RBFOX1: variants seen among roughly 807,000 people sequenced by gnomAD.
RBFOX1 encodes RNA binding fox-1 homolog 1, also known as RNA binding protein fox-1 homolog 1.
In RBFOX1, 8 loss-of-function variants were observed where a neutral mutation model predicts 57.7. The ratio of observed to expected loss-of-function variants is 0.14; its 90% CI spans 0.08 to 0.25. RBFOX1 has a LOEUF of 0.25. Among genes scored for constraint, RBFOX1 ranks in the 10% least tolerant of loss-of-function variants. The pLI is 1.00. For synonymous variants in RBFOX1, 326 were observed against 222.4 expected (o/e 1.47, Z -4.15); for missense variants, 611 against 548.5 (o/e 1.11, Z -1.14).
intron 2 of RBFOX1, among the ~76,000 whole-genome samples, chr16:6,441,207 C>G (rs955058265): frequency 3.3e-5 from 5 of 151,990 alleles, no homozygotes; most frequent in South Asian, 2.1e-4. Context: ...ATGTCTAATG[C>G]CGCTGATCTC....
rs115659290 is a variant in RBFOX1, at chr16:5,337,794, C to A, written c.219+97689C>A. ...AAACTCTGAGAGGGCAAGGAAGGAA[C>A]TGGACTTTTGGAATATAAATTAATG... On this transcript the variant is annotated intron_variant, in intron 1 of 2. Coordinates refer to the RBFOX1 transcript ENST00000585867. Among the ~76,000 whole-genome samples the A allele has an allele frequency of 5.9e-3, 901 of 152,256 alleles. 7 individuals carry two copies. The highest frequency in any genetic ancestry group is 0.02 in the African/African-American group (825 of 41,558).
intron 3 of RBFOX1, among the ~76,000 whole-genome samples, chr16:7,021,253 A>T (rs2061813): frequency 0.81 from 122,368 of 151,116 alleles, 50,145 homozygotes; most frequent in African/African-American, 0.93. Flanking sequence ...CCCCCACCTC[A>T]TTTGGTTACT....
intron 3 of RBFOX1, among the ~76,000 whole-genome samples, chr16:6,944,695 A>T (rs1196127837): frequency 6.6e-6 from 1 of 152,186 alleles, no homozygotes; most frequent in African/African-American, 2.4e-5. Flanking sequence ...TTCATGGTTC[A>T]GTACATGGTT....
intron 2 of RBFOX1, among the ~76,000 whole-genome samples, chr16:6,641,393 G>C (rs572469795): frequency 6.6e-6 from 1 of 152,102 alleles, no homozygotes; most frequent in Non-Finnish European, 1.5e-5. Flanking sequence ...AGGGAGCATT[G>C]CTGTTTTGTT....
At chr16:6,632,023 T>C (rs76827023) in intron 2 of RBFOX1, among the ~76,000 whole-genome samples, 2 of 152,148 alleles carry the variant, frequency 1.3e-5, no homozygotes, top group African/African-American at 4.8e-5. Flanking sequence ...AATCACACTC[T>C]ATTTGGATAA....
intron 10 of RBFOX1, among the ~76,000 whole-genome samples, chr16:7,624,448 T>C (rs2059772802): frequency 6.6e-6 from 1 of 152,240 alleles, no homozygotes; most frequent in Admixed American, 6.5e-5. Flanking sequence ...CCTTTTCATG[T>C]ATACATTTGT....
At chr16:7,376,521 G>A (rs1419114298) in intron 4 of RBFOX1, among the ~76,000 whole-genome samples, 2 of 152,136 alleles carry the variant, frequency 1.3e-5, no homozygotes, top group Non-Finnish European at 2.9e-5. Context: ...CTCTGTGTCT[G>A]TGATAAGTCC....
At position 7,289,704 on chromosome 16, in the gene RBFOX1, T is replaced by C. The variant is rs190574642; in HGVS notation, c.28-228443T>C. Among the ~76,000 whole-genome samples the C allele has an allele frequency of 1.2e-4, 19 of 152,294 alleles. No individual in the cohort carries two copies. In the East Asian group the frequency reaches 3.7e-3, roughly 29 times the overall value. On this transcript the variant is annotated intron_variant, in intron 4 of 15. Coordinates refer to ENST00000550418, the MANE Select transcript of RBFOX1 (RefSeq NM_018723.4). ...CAATTATCCTTGAAGCTGATATGTG[T>C]TGTGCACTTCCTAGGTGCTAAGGGG...
At chr16:7,382,694 A>C (rs1405652960) in intron 4 of RBFOX1, among the ~76,000 whole-genome samples, 1 of 152,236 alleles carries the variant, frequency 6.6e-6, no homozygotes, top group Non-Finnish European at 1.5e-5. Flanking sequence ...AACAGAGGAT[A>C]GTCACCTAAT....
intron 3 of RBFOX1, among the ~76,000 whole-genome samples, chr16:6,910,748 T>C (rs1468963917): frequency 2.0e-5 from 3 of 152,168 alleles, no homozygotes; most frequent in African/African-American, 7.2e-5. Context: ...AGAGGAGGCC[T>C]GGGAAGATTA....
At chr16:7,688,990 C>T (rs1010327703) in intron 14 of RBFOX1, among the ~76,000 whole-genome samples, 22 of 152,022 alleles carry the variant, frequency 1.4e-4, no homozygotes, top group African/African-American at 5.3e-4. Flanking sequence ...GGTCTTGAGC[C>T]AAGCCAACTG....
At chr16:6,272,264 C>G (rs1173762791) in intron 1 of RBFOX1, among the ~76,000 whole-genome samples, 2 of 152,050 alleles carry the variant, frequency 1.3e-5, no homozygotes, top group Non-Finnish European at 2.9e-5. Context: ...ATGGCAAAAA[C>G]TGTCAGAAAA....
At chr16:6,605,794 A>G (rs2097917458) in intron 2 of RBFOX1, among the ~76,000 whole-genome samples, 1 of 152,154 alleles carries the variant, frequency 6.6e-6, no homozygotes, top group South Asian at 2.1e-4. Context: ...ACACACGGGA[A>G]ACTATACTTG....
At chr16:6,551,425 A>G (rs12325469) in intron 2 of RBFOX1, among the ~76,000 whole-genome samples, 4,130 of 152,272 alleles carry the variant, frequency 0.027, 165 homozygotes, top group South Asian at 0.072. Flanking sequence ...TCACAGAGCT[A>G]TTGTGAAAAC....
At chr16:6,313,167 G>A (rs928194247) in intron 1 of RBFOX1, among the ~76,000 whole-genome samples, 5 of 152,142 alleles carry the variant, frequency 3.3e-5, no homozygotes, top group African/African-American at 1.2e-4. Flanking sequence ...CATGGTGCTG[G>A]TACCCGGGAC....
intron 4 of RBFOX1, among the ~76,000 whole-genome samples, chr16:5,965,990 G>C: frequency 6.6e-6 from 1 of 152,248 alleles, no homozygotes; most frequent in Non-Finnish European, 1.5e-5. Context: ...TGGCATTCTT[G>C]CTGCCCCCAA....
intron 1 of RBFOX1, among the ~76,000 whole-genome samples, chr16:5,352,047 C>T (rs1434314381): frequency 6.6e-6 from 1 of 152,180 alleles, no homozygotes; most frequent in Admixed American, 6.5e-5. Flanking sequence ...CTCAGGTGAT[C>T]CACCCGCCTC....
chr16:6,569,520 C>G (rs1054752661), intron 2 of RBFOX1, among the ~76,000 whole-genome samples: 1 of 152,210 alleles, frequency 6.6e-6, no homozygotes, highest in Non-Finnish European at 1.5e-5. Flanking sequence ...GTGTCCTAGA[C>G]AGACCTCTGA....
intron 1 of RBFOX1, among the ~76,000 whole-genome samples, chr16:5,282,183 G>T (rs2063288513): frequency 2.0e-5 from 3 of 152,200 alleles, no homozygotes; most frequent in Admixed American, 1.3e-4. Flanking sequence ...TTTGCCTGCT[G>T]CCATCCCTGT....
Sources: allele counts gnomAD v4.1 joint callset (sites outside exome capture counted in the v4.1 genomes callset), GRCh38; gene constraint gnomAD v4.1.1; transcripts MANE v1.5; gene names NCBI Gene and HGNC (gene_info 2026-07-23, HGNC 2026-07-21).